The following TMC2 variants were observed in gnomAD, a reference collection of about 807,000 sequenced individuals.
TMC2 encodes transmembrane channel-like protein 2.
TMC2 carries 102 observed loss-of-function variants against 105.9 expected under a neutral mutation model. The observed-to-expected ratio is 0.96, with a 90% CI of 0.82 to 1.14. The LOEUF is 1.14. Among genes scored for constraint, TMC2 ranks in the 50% most tolerant of loss-of-function variants. The probability of loss-of-function intolerance (pLI) is 0.00; values close to 1 mark genes in which losing one functional copy is unlikely to be tolerated. For synonymous variants in TMC2, 402 were observed against 422.8 expected (o/e 0.95, Z 0.60); for missense variants, 1,093 against 1,134.3 (o/e 0.96, Z 0.52).
rs924400012 is a variant in TMC2 at position 2,584,313 on chromosome 20, G to A, written c.834+4257G>A. 2.1e-3 allele frequency among the ~76,000 whole-genome samples: 302 copies of A among 144,338 alleles called. 5 individuals are homozygous for A. Among genetic ancestry groups the A allele is most frequent in the Non-Finnish European group, 2.9e-3 (194 of 67,214 alleles). The allele number at this position is 144,338 out of a possible 152,430, so 94.7% of individuals were successfully genotyped here. ...CAAAAAATTAGCCGGGCGTAGTGGC[G>A]GGTGCCTGTGGTCCCAGCTACTTGG... On this transcript the variant is annotated intron_variant, in intron 7 of 19. Coordinates refer to ENST00000358864, the MANE Select transcript of TMC2 (RefSeq NM_080751.3).
intron 11 of TMC2, among the ~76,000 whole-genome samples, chr20:2,609,141 A>G (rs995491362): frequency 6.6e-6 from 1 of 152,198 alleles, no homozygotes; most frequent in Non-Finnish European, 1.5e-5. Flanking sequence ...AGTCAGGATT[A>G]GGACCCAGTA....
intron 10 of TMC2, among the ~76,000 whole-genome samples, chr20:2,601,658 T>G (rs905041937): frequency 6.6e-6 from 1 of 152,136 alleles, no homozygotes; most frequent in Non-Finnish European, 1.5e-5. Context: ...CTGACCAACA[T>G]GGAGAAACCC....
At chr20:2,635,897 A>C in intron 17 of TMC2, 29 bp from the exon 18 acceptor site, 1 of 1,586,956 alleles carries the variant, frequency 6.3e-7, no homozygotes, top group Non-Finnish European at 8.7e-7. Flanking sequence ...AGATCACGGG[A>C]CCATAGGAGG....
In TMC2 at chr20:2,641,541, T is replaced by C. The variant is rs560747896; in HGVS notation, c.*190T>C. On this transcript the variant is annotated 3_prime_UTR_variant, in exon 20 of 20. Coordinates refer to ENST00000358864, the MANE Select transcript of TMC2 (RefSeq NM_080751.3). ...GAAGGAGGAAGACAGTGGCTTCACC[T>C]GTCCTTTAGGGAAGCTGGAGCCATC... is the stretch of plus-strand genomic sequence containing the variant. 1.9e-5 allele frequency: 11 copies of C among 578,100 alleles called. No homozygotes were observed. In the African/African-American group the frequency reaches 2.1e-4, roughly 11 times the overall value. The allele number at this position is 578,100 out of a possible 1,614,324, so 35.8% of individuals were successfully genotyped here. A position where few individuals can be genotyped will look rare whatever the true frequency, so the allele number is the denominator to read the frequency against.
chr20:2,627,825 C>T (rs2086574580), intron 17 of TMC2, among the ~76,000 whole-genome samples: 1 of 152,108 alleles, frequency 6.6e-6, no homozygotes, highest in African/African-American at 2.4e-5. Flanking sequence ...AGGCAGGCTC[C>T]CTAGCACCAA....
At chr20:2,542,579 G>A (rs1447331986) in intron 2 of TMC2, among the ~76,000 whole-genome samples, 3 of 152,026 alleles carry the variant, frequency 2.0e-5, no homozygotes, top group African/African-American at 2.4e-5. Context: ...TTGGGATGGC[G>A]TCTTCTAGTC....
intron 9 of TMC2, 127 bp downstream of exon 9, chr20:2,595,094 A>T: frequency 9.4e-7 from 1 of 1,059,582 alleles, no homozygotes; most frequent in Non-Finnish European, 1.4e-6. Flanking sequence ...CACAGAAAGC[A>T]TATGCACATT....
At chr20:2,555,108 T>A (rs1442506549) in intron 2 of TMC2, among the ~76,000 whole-genome samples, 1 of 152,082 alleles carries the variant, frequency 6.6e-6, no homozygotes, top group Non-Finnish European at 1.5e-5. Context: ...TGAGATGGAG[T>A]CTCACTCTGT....
At chr20:2,539,221 T>G (rs1403026069) in intron 2 of TMC2, among the ~76,000 whole-genome samples, 1 of 152,178 alleles carries the variant, frequency 6.6e-6, no homozygotes, top group Admixed American at 6.5e-5. Flanking sequence ...TCCTAAATTA[T>G]GCATTATGTG....
chr20:2,572,301 G>T (rs1171293774), intron 5 of TMC2, 32 bp downstream of exon 5: 1 of 1,553,396 alleles, frequency 6.4e-7, no homozygotes, highest in Non-Finnish European at 8.9e-7. Flanking sequence ...AATCTGTTGG[G>T]AGGGCTTGCT....
At chr20:2,580,086 T>G (rs746185024) in intron 7 of TMC2, 30 bp downstream of exon 7, 4 of 1,445,064 alleles carry the variant, frequency 2.8e-6, no homozygotes, top group Non-Finnish European at 3.9e-6. Flanking sequence ...AATCTTTGGA[T>G]AGAGTTAAGG....
chr20:2,563,296 G>T (rs894115094), intron 4 of TMC2, among the ~76,000 whole-genome samples: 2 of 152,084 alleles, frequency 1.3e-5, no homozygotes, highest in Non-Finnish European at 1.5e-5. Flanking sequence ...CTTACCCCAC[G>T]GCCCTGCAAA....
intron 14 of TMC2, among the ~76,000 whole-genome samples, chr20:2,615,253 A>G (rs1054061641): frequency 5.3e-5 from 8 of 152,342 alleles, no homozygotes; most frequent in African/African-American, 1.9e-4. Flanking sequence ...ACCAGGAGGC[A>G]GAGGTTGCAG....
At position 2,597,155 on chromosome 20, in the gene TMC2, G is replaced by C. The variant is rs1259474726; in HGVS notation, c.1081G>C (p.Ala361Pro). The change falls in exon 10 of 20, where the codon GCC (alanine) becomes CCC (proline). Residue 361 changes from alanine to proline, a missense_variant. Ala to Pro is a conservative substitution (Grantham distance 27, BLOSUM62 -1). Coordinates refer to ENST00000358864, the MANE Select transcript of TMC2 (RefSeq NM_080751.3). Reference protein sequence around the residue: ...YSLIIVIRSMASNTQGSTGEG... With the variant: ...YSLIIVIRSMPSNTQGSTGEG... ...ACAGTGCTGTGTGCCCTACAGGATG[G>C]CCAGCAATACCCAAGGAAGCACAGG... 1.9e-6 allele frequency: 3 copies of C among 1,613,554 alleles called. No homozygotes were observed. Among genetic ancestry groups the C allele is most frequent in the Non-Finnish European group, 2.5e-6 (3 of 1,179,830 alleles).
chr20:2,597,857 T>C (rs1201152147), intron 10 of TMC2, among the ~76,000 whole-genome samples: 4 of 152,118 alleles, frequency 2.6e-5, no homozygotes, highest in African/African-American at 9.7e-5. Context: ...TGCCTGTTTC[T>C]ACGTGAAACA....
intron 10 of TMC2, among the ~76,000 whole-genome samples, chr20:2,597,793 C>T (rs1281543711): frequency 6.6e-6 from 1 of 152,078 alleles, no homozygotes; most frequent in African/African-American, 2.4e-5. Context: ...CCACCACGCC[C>T]AGCCTGTCTG....
At chr20:2,555,683 G>C (rs961836017) in intron 2 of TMC2, among the ~76,000 whole-genome samples, 7 of 152,030 alleles carry the variant, frequency 4.6e-5, no homozygotes, top group Non-Finnish European at 1.0e-4. Flanking sequence ...TTTGTTGCTG[G>C]TTTCTCTTTG....
At chr20:2,601,715 C>T (rs921047219) in intron 10 of TMC2, among the ~76,000 whole-genome samples, 2 of 152,122 alleles carry the variant, frequency 1.3e-5, no homozygotes, top group African/African-American at 4.8e-5. Flanking sequence ...TGGTGCATGC[C>T]TGTAATCCCA....
At chr20:2,613,582 T>A (rs1600131384) in intron 14 of TMC2, 1 of 436,476 alleles carries the variant, frequency 2.3e-6, no homozygotes, top group East Asian at 5.4e-5. Context: ...TAGGGGAAAG[T>A]GGACCACACA....
Sources: allele counts gnomAD v4.1 joint callset (sites outside exome capture counted in the v4.1 genomes callset), GRCh38; gene constraint gnomAD v4.1.1; transcripts MANE v1.5; gene names NCBI Gene and HGNC (gene_info 2026-07-23, HGNC 2026-07-21).